ARHGEF6: variants seen among roughly 807,000 people sequenced by gnomAD.
ARHGEF6 encodes the protein Rac/Cdc42 guanine nucleotide exchange factor 6.
A neutral mutation model predicts 70.3 loss-of-function variants in ARHGEF6; 9 were observed. That is an observed-to-expected ratio of 0.13 (90% CI 0.08 to 0.22). The LOEUF (loss-of-function observed/expected upper bound fraction) is 0.22. Among genes scored for constraint, ARHGEF6 ranks in the 10% least tolerant of loss-of-function variants. ARHGEF6 has a pLI of 1.00. For synonymous variants in ARHGEF6, 201 were observed against 207.8 expected, an observed-to-expected ratio of 0.97 and a Z score of 0.28; for missense variants, 470 against 563.0, an observed-to-expected ratio of 0.83 and a Z score of 1.67.
intron 2 of ARHGEF6, among the ~76,000 whole-genome samples, chrX:136,756,438 A>C (rs1400054546): frequency 9.0e-6 from 1 of 111,573 alleles, no homozygotes; most frequent in Non-Finnish European, 1.9e-5. Flanking sequence ...GAACTGTGGG[A>C]TTTTACTGCT....
chrX:136,755,762 C>T (rs1448366236), intron 2 of ARHGEF6, among the ~76,000 whole-genome samples: 5 of 111,932 alleles, frequency 4.5e-5, no homozygotes, highest in African/African-American at 1.6e-4. Flanking sequence ...GGTCTATCAG[C>T]CCAATATTCT....
intron 2 of ARHGEF6, among the ~76,000 whole-genome samples, chrX:136,753,477 TAGG>T (rs1401585931): frequency 9.0e-6 from 1 of 111,544 alleles, no homozygotes; most frequent in Non-Finnish European, 1.9e-5. Context: ...ATCATCTAAA[TAGG>T]AGCTTTTAAA....
chrX:136,756,116 A>G (rs2077203459), intron 2 of ARHGEF6, among the ~76,000 whole-genome samples: 1 of 111,857 alleles, frequency 8.9e-6, no homozygotes, highest in Non-Finnish European at 1.9e-5. Context: ...CTTGAAGAAA[A>G]AGTATTGCAG....
chrX:136,753,290 C>T (rs933473300), intron 2 of ARHGEF6, among the ~76,000 whole-genome samples: 1 of 112,215 alleles, frequency 8.9e-6, no homozygotes, highest in African/African-American at 3.2e-5. Context: ...AAACAACATA[C>T]AGTGTATTGG....
At chrX:136,764,638 G>A (rs1219294551) in intron 2 of ARHGEF6, among the ~76,000 whole-genome samples, 9 of 111,114 alleles carry the variant, frequency 8.1e-5, no homozygotes, top group African/African-American at 3.0e-4. Flanking sequence ...CCTTGGTGAG[G>A]CATAGTGACT....
chrX:136,745,338 G>A lies in ARHGEF6; in HGVS notation c.344C>T (p.Ser115Leu). 8.3e-7 allele frequency: 1 copy of A among 1,211,410 alleles called. No homozygotes were observed. Among genetic ancestry groups the A allele is most frequent in the Non-Finnish European group, 1.1e-6 (1 of 895,200 alleles). ...AVNKATEDQL[S>L]ERPCGRSSSL... ...AGAGGAACGTCCACATGGTCTTTCTGATAGCTGATCTGTGAAAAGAGGAAA... is the reference window on the plus strand; with the variant it reads ...AGAGGAACGTCCACATGGTCTTTCTAATAGCTGATCTGTGAAAAGAGGAAA... Residue 115 changes from serine (S) to leucine (L), a missense_variant, in exon 4 of 22, where the codon TCA becomes TTA. By Grantham distance (145) the Ser-to-Leu change is moderately radical. Coordinates refer to ENST00000250617, the MANE Select transcript of ARHGEF6 (RefSeq NM_004840.3).
intron 19 of ARHGEF6, 106 bp from the exon 20 acceptor site, chrX:136,672,225 T>G (rs767071371): frequency 3.0e-4 from 189 of 639,764 alleles, no homozygotes; most frequent in Middle Eastern, 6.5e-4. Flanking sequence ...GGGTCTTTGT[T>G]CATAGCATGT....
Position 136,697,131 on chromosome X carries a change from G to C in ARHGEF6, c.1047-6383C>G, listed in dbSNP as rs6633833. Among the ~76,000 whole-genome samples the C allele has an allele frequency of 6.3e-5, 7 of 111,459 alleles. No homozygotes were observed. In the East Asian group the frequency reaches 2.0e-3, roughly 32 times the overall value. On this transcript the variant is annotated intron_variant, in intron 9 of 21. Transcript: ENST00000250617. Reference sequence around the variant, plus strand: ...TGCTGCCCAGCTCCCAGAGTAGTGAGATTTTGCCCAGAGGGAGACGCAGTC... The same window carrying C: ...TGCTGCCCAGCTCCCAGAGTAGTGACATTTTGCCCAGAGGGAGACGCAGTC...
Position 136,776,874 on chromosome X carries a change from A to AATAG in ARHGEF6, c.249+2536_249+2539dup, listed in dbSNP as rs1212556899. On this transcript the variant is annotated intron_variant, in intron 2 of 21. Transcript: ENST00000250617. ...TCAAACAAATCAGCAAAAATAAATA[A>AATAG]ATAGATAAATAAATAAATAAATAAA... 5.0e-4 allele frequency among the ~76,000 whole-genome samples: 39 copies of AATAG among 77,880 alleles called. 1 individual carries two copies. Among genetic ancestry groups the AATAG allele is most frequent in the Admixed American group, 4.1e-3 (27 of 6,596 alleles). The allele number at this position is 77,880 out of a possible 115,157, so 67.6% of individuals were successfully genotyped here. A position where few individuals can be genotyped will look rare whatever the true frequency, so the allele number is the denominator to read the frequency against.
At chrX:136,755,265 T>C (rs996637938) in intron 2 of ARHGEF6, among the ~76,000 whole-genome samples, 3 of 112,431 alleles carry the variant, frequency 2.7e-5, no homozygotes, top group African/African-American at 9.7e-5. Flanking sequence ...TGCTTTTTCC[T>C]TGTCCCTTCA....
intron 2 of ARHGEF6, among the ~76,000 whole-genome samples, chrX:136,758,031 CTTTTTTTTTTTTTTTTTTTTT>C (rs1164537601): frequency 6.4e-4 from 9 of 14,033 alleles, no homozygotes; most frequent in Admixed American, 5.0e-3. Flanking sequence ...AAAATAAATT[CTTTTTTTTTTTTTTTTTTTTT>C]TTTTTTTTTT....
At chrX:136,679,835 G>A (rs1341138847) in intron 15 of ARHGEF6, among the ~76,000 whole-genome samples, 175 bp from the exon 16 acceptor site, 3 of 112,050 alleles carry the variant, frequency 2.7e-5, no homozygotes, top group Admixed American at 1.9e-4. Flanking sequence ...CCAGATTATC[G>A]GGTCTCTAAG....
intron 6 of ARHGEF6, among the ~76,000 whole-genome samples, chrX:136,726,691 G>T (rs1330992741): frequency 8.9e-6 from 1 of 112,303 alleles, no homozygotes; most frequent in South Asian, 3.7e-4. Context: ...TGCCCTTTAG[G>T]CATCTACCAT....
chrX:136,687,987 G>C lies in ARHGEF6; in HGVS notation c.1190C>G (p.Thr397Ser), dbSNP rs532348958. Residue 397 changes from threonine to serine, a missense_variant, in exon 11 of 22, where the codon ACT (threonine) becomes AGT (serine). Coordinates refer to ENST00000250617, the MANE Select transcript of ARHGEF6 (RefSeq NM_004840.3). Reference protein sequence around the residue: ...LQELERHMEDTHPDHQDILKA... With the variant: ...LQELERHMEDSHPDHQDILKA... Reference sequence around the variant, plus strand: ...CAGAATATCCTGATGATCTGGATGAGTATCCTATCAAAGGAATACATTTGA... The same window carrying C: ...CAGAATATCCTGATGATCTGGATGACTATCCTATCAAAGGAATACATTTGA... 2.8e-4 allele frequency: 338 copies of C among 1,194,251 alleles called. 2 individuals are homozygous for C. In the South Asian group the frequency reaches 5.8e-3, roughly 20 times the overall value.
chrX:136,686,611 T>TATACAC (rs2076393474), intron 11 of ARHGEF6, among the ~76,000 whole-genome samples: 2 of 76,732 alleles, frequency 2.6e-5, no homozygotes, highest in African/African-American at 1.3e-4. Context: ...TATATATATA[T>TATACAC]ATATATATAT....
intron 6 of ARHGEF6, among the ~76,000 whole-genome samples, chrX:136,718,703 T>C (rs1331821054): frequency 9.0e-6 from 1 of 111,592 alleles, no homozygotes; most frequent in Admixed American, 9.5e-5. Context: ...TATGATATTG[T>C]GTTTTTCAAA....
intron 5 of ARHGEF6, among the ~76,000 whole-genome samples, chrX:136,742,313 C>T (rs886784900): frequency 9.0e-6 from 1 of 110,714 alleles, no homozygotes. Context: ...AGCAAGACTC[C>T]GTCTCAAAAC....
chrX:136,679,766 A>AT, intron 15 of ARHGEF6, 106 bp from the exon 16 acceptor site: 1 of 988,815 alleles, frequency 1.0e-6, no homozygotes, highest in African/African-American at 1.9e-5. Flanking sequence ...AAAGACAGCC[A>AT]TAGAAAGGGA....
In ARHGEF6 at chrX:136,733,121, C is replaced by CT. The variant is rs201323340; in HGVS notation, c.662-950dup. Among the ~76,000 whole-genome samples the CT allele has an allele frequency of 5.1e-3, 545 of 107,040 alleles. 5 individuals carry two copies. Among genetic ancestry groups the CT allele is most frequent in the African/African-American group, 0.015 (429 of 29,513 alleles). The allele number at this position is 107,040 out of a possible 115,157, so 93.0% of individuals were successfully genotyped here. ...TAAAGGAAATCCTAGGACATTCTTTCTTTTTTTTTAAAAAAAAAACAATAA... is the reference window on the plus strand; with the variant it reads ...TAAAGGAAATCCTAGGACATTCTTTCTTTTTTTTTTAAAAAAAAAACAATAA... On this transcript the variant is annotated intron_variant, in intron 5 of 21. Coordinates refer to ENST00000250617, the MANE Select transcript of ARHGEF6 (RefSeq NM_004840.3).
Sources: allele counts gnomAD v4.1 joint callset (sites outside exome capture counted in the v4.1 genomes callset), GRCh38; gene constraint gnomAD v4.1.1; transcripts MANE v1.5; gene names NCBI Gene and HGNC (gene_info 2026-07-23, HGNC 2026-07-21).